The following PBRM1 variants were observed in gnomAD, a reference collection of about 807,000 sequenced individuals.
PBRM1 encodes the protein polybromo 1, also known as protein polybromo-1.
PBRM1 carries 27 observed loss-of-function variants against 194.5 expected under a neutral mutation model. The ratio of observed to expected loss-of-function variants is 0.14; its 90% CI spans 0.10 to 0.19. The LOEUF is 0.19. Among genes scored for constraint, PBRM1 ranks in the 10% least tolerant of loss-of-function variants. The pLI, the probability that PBRM1 is intolerant of heterozygous loss-of-function variation, is 1.00. For missense variants in PBRM1, 1,466 were observed against 2,077.2 expected (o/e 0.71, Z 5.72); for synonymous variants, 655 against 693.2 (o/e 0.94, Z 0.87).
chr3:52,584,497 C>T (rs2153737517), intron 20 of PBRM1, among the ~76,000 whole-genome samples: 1 of 110,956 alleles, frequency 9.0e-6, no homozygotes, highest in Non-Finnish European at 1.7e-5. Context: ...GCTCTGTTGA[C>T]CAGGCTAGAG....
chr3:52,575,508 C>CT (rs1177139118), intron 22 of PBRM1, among the ~76,000 whole-genome samples: 4,534 of 86,968 alleles, frequency 0.052, 532 homozygotes, highest in African/African-American at 0.12. Flanking sequence ...AATCAATTGT[C>CT]TTTTTTTTTT....
chr3:52,571,019 G>T (rs1285272169), intron 22 of PBRM1, among the ~76,000 whole-genome samples: 1 of 151,736 alleles, frequency 6.6e-6, no homozygotes, highest in African/African-American at 2.4e-5. Flanking sequence ...TACCACGTTG[G>T]CTATCTTTTA....
intron 2 of PBRM1, among the ~76,000 whole-genome samples, chr3:52,669,239 A>G (rs78262824): frequency 4.5e-5 from 3 of 66,622 alleles, no homozygotes; most frequent in African/African-American, 7.2e-5. Flanking sequence ...AACTCTTCGG[A>G]AAAAAAAAAC....
upstream of PBRM1, chr3:52,679,730 T>C (rs777269980): frequency 4.6e-5 from 74 of 1,610,612 alleles, no homozygotes; most frequent in Non-Finnish European, 6.0e-5. Context: ...ACTTCTTCTA[T>C]AAGAAATAAT....
At chr3:52,663,009 A>G (rs997047243) in intron 3 of PBRM1, among the ~76,000 whole-genome samples, 1 of 152,160 alleles carries the variant, frequency 6.6e-6, no homozygotes, top group African/African-American at 2.4e-5. Context: ...CATGAAGTAT[A>G]GTGGGCATAA....
chr3:52,607,716 A>T (rs536893314), intron 16 of PBRM1, among the ~76,000 whole-genome samples: 1 of 152,338 alleles, frequency 6.6e-6, no homozygotes, highest in Non-Finnish European at 1.5e-5. Context: ...TATTACATGC[A>T]TCTAGAATAT....
upstream of PBRM1, among the ~76,000 whole-genome samples, chr3:52,683,682 G>A (rs1194694396): frequency 1.3e-5 from 2 of 151,922 alleles, no homozygotes; most frequent in Non-Finnish European, 2.9e-5. Context: ...AGGCAAGGTG[G>A]TGGCATGCAC....
chr3:52,597,598 A>C (rs1001595408), intron 17 of PBRM1, among the ~76,000 whole-genome samples: 13 of 151,990 alleles, frequency 8.6e-5, no homozygotes, highest in African/African-American at 3.1e-4. Flanking sequence ...GACAGGGTTC[A>C]CTCAGGTTTC....
chr3:52,648,514 C>T (rs1001047592), intron 6 of PBRM1, 72 bp from the exon 8 acceptor site: 3 of 753,078 alleles, frequency 4.0e-6, no homozygotes, highest in South Asian at 3.7e-5. Context: ...AAAAAAGAAC[C>T]CCACATATTT....
chr3:52,603,284 A>C (rs1240078074), intron 17 of PBRM1, among the ~76,000 whole-genome samples: 2 of 152,050 alleles, frequency 1.3e-5, no homozygotes, highest in Admixed American at 1.3e-4. Context: ...GAATTAACTG[A>C]CTCTTTTCCT....
At chr3:52,627,333 T>C (rs1400672969) in exon 13 of PBRM1, 1 of 1,613,666 alleles carries the variant, frequency 6.2e-7, no homozygotes, top group African/African-American at 1.3e-5. Context: ...GTCTCCGTCC[T>C]CGATATCGTC....
chr3:52,554,799 G>C, exon 27 of PBRM1: 1 of 1,593,120 alleles, frequency 6.3e-7, no homozygotes, highest in Non-Finnish European at 8.5e-7. Flanking sequence ...GGGTGAAGTG[G>C]CTGCATGCTG....
downstream of PBRM1, chr3:52,547,970 C>T: frequency 1.9e-6 from 2 of 1,027,842 alleles, no homozygotes; most frequent in Non-Finnish European, 2.9e-6. Context: ...AAAAATTATC[C>T]TCCTTTGTTC....
intron 29 of PBRM1, among the ~76,000 whole-genome samples, chr3:52,549,129 C>T (rs1004425058): frequency 6.6e-6 from 1 of 151,668 alleles, no homozygotes; most frequent in African/African-American, 2.4e-5. Context: ...AAATGATTCT[C>T]GTGCCTCAGC....
At chr3:52,623,980 A>T (rs2095362362) in intron 13 of PBRM1, among the ~76,000 whole-genome samples, 1 of 152,386 alleles carries the variant, frequency 6.6e-6, no homozygotes, top group South Asian at 2.1e-4. Context: ...TATTAGGAAG[A>T]TGACAATGAT....
intron 7 of PBRM1, among the ~76,000 whole-genome samples, chr3:52,645,102 C>T (rs549632296): frequency 2.6e-5 from 4 of 152,172 alleles, no homozygotes; most frequent in African/African-American, 9.7e-5. Context: ...CATTCCAAGA[C>T]CCCCAGTGGA....
At chr3:52,611,753 A>G (rs1033253490) in intron 15 of PBRM1, among the ~76,000 whole-genome samples, 1 of 152,040 alleles carries the variant, frequency 6.6e-6, no homozygotes, top group African/African-American at 2.4e-5. Context: ...GCAATGAGCC[A>G]AAAATGTGCC....
chr3:52,612,078 T>C (rs1459790540), intron 15 of PBRM1, among the ~76,000 whole-genome samples: 1 of 150,596 alleles, frequency 6.6e-6, no homozygotes, highest in Non-Finnish European at 1.5e-5. Context: ...GCCAATATGG[T>C]GAAACCCTGC....
intron 16 of PBRM1, among the ~76,000 whole-genome samples, chr3:52,607,721 G>A (rs773674729): frequency 3.9e-5 from 6 of 152,170 alleles, no homozygotes; most frequent in Non-Finnish European, 7.3e-5. Flanking sequence ...CATGCATCTA[G>A]AATATGCTCA....
Sources: allele counts gnomAD v4.1 joint callset (sites outside exome capture counted in the v4.1 genomes callset), GRCh38; gene constraint gnomAD v4.1.1; transcripts MANE v1.5; gene names NCBI Gene and HGNC (gene_info 2026-07-23, HGNC 2026-07-21).